The following TNRC6B variants were observed in gnomAD, a reference collection of about 807,000 sequenced individuals.
TNRC6B encodes the protein trinucleotide repeat-containing gene 6B protein.
A neutral mutation model predicts 203.6 loss-of-function variants in TNRC6B; 52 were observed. The observed-to-expected ratio is 0.26, with a 90% confidence interval of 0.20 to 0.32. The LOEUF (loss-of-function observed/expected upper bound fraction) is 0.32. Ranked by LOEUF, TNRC6B falls within the 10% of genes least tolerant of loss-of-function variation. The pLI, the probability that TNRC6B is intolerant of heterozygous loss-of-function variation, is 1.00. For synonymous variants in TNRC6B, 838 were observed against 845.7 expected (o/e 0.99, Z 0.16); for missense variants, 1,923 against 2,286.2 (o/e 0.84, Z 3.24).
At chr22:40,236,352 A>C (rs2069947399) in intron 1 of TNRC6B, among the ~76,000 whole-genome samples, 2 of 152,202 alleles carry the variant, frequency 1.3e-5, no homozygotes. Flanking sequence ...ACAGTATGAC[A>C]CTTTTGGGAG....
chr22:40,207,417 A>AT (rs1569020881), intron 1 of TNRC6B, among the ~76,000 whole-genome samples: 37 of 111,250 alleles, frequency 3.3e-4, no homozygotes, highest in Middle Eastern at 3.8e-3. Context: ...AAAAAAAAAA[A>AT]AATATATATA....
chr22:40,153,043 A>G (rs1249021644), intron 3 of TNRC6B, among the ~76,000 whole-genome samples: 2 of 152,028 alleles, frequency 1.3e-5, no homozygotes, highest in African/African-American at 2.4e-5. Context: ...GGAGGCTGCA[A>G]TGAGCCAAGA....
intron 2 of TNRC6B, among the ~76,000 whole-genome samples, chr22:40,120,903 C>G (rs1224902873): frequency 6.6e-6 from 1 of 152,156 alleles, no homozygotes; most frequent in Non-Finnish European, 1.5e-5. Flanking sequence ...TCGCCTGCCT[C>G]CTAGCCAACG....
chr22:40,120,915 A>C (rs1386540581), intron 2 of TNRC6B, among the ~76,000 whole-genome samples: 2 of 152,150 alleles, frequency 1.3e-5, no homozygotes, highest in Non-Finnish European at 2.9e-5. Flanking sequence ...TAGCCAACGA[A>C]AGGAGCAGAG....
At chr22:40,171,210 G>A (rs1408707314) in intron 4 of TNRC6B, among the ~76,000 whole-genome samples, 1 of 136,394 alleles carries the variant, frequency 7.3e-6, no homozygotes, top group Non-Finnish European at 1.5e-5. Context: ...CACCCAGGCT[G>A]GAGTGCAGTG....
At chr22:40,166,152 A>G (rs2068917424) in intron 4 of TNRC6B, among the ~76,000 whole-genome samples, 1 of 152,114 alleles carries the variant, frequency 6.6e-6, no homozygotes, top group Non-Finnish European at 1.5e-5. Context: ...CTTCTCCCTT[A>G]CATCTCTGGG....
chr22:40,185,802 A>C (rs2069194215), intron 1 of TNRC6B, among the ~76,000 whole-genome samples: 1 of 152,278 alleles, frequency 6.6e-6, no homozygotes, highest in Admixed American at 6.5e-5. Flanking sequence ...GGAAGAATTG[A>C]GAGACAGGCA....
intron 16 of TNRC6B, among the ~76,000 whole-genome samples, chr22:40,310,282 G>A (rs1028909745): frequency 2.0e-5 from 3 of 152,140 alleles, no homozygotes; most frequent in East Asian, 1.9e-4. Flanking sequence ...ATCTCATTGC[G>A]TTGGAATTTA....
At chr22:40,055,168 C>G (rs2146266086) in intron 1 of TNRC6B, among the ~76,000 whole-genome samples, 1 of 152,248 alleles carries the variant, frequency 6.6e-6, no homozygotes, top group South Asian at 2.1e-4. Context: ...GATCTTTGTT[C>G]CCAAGGAATG....
At chr22:40,298,291 T>C (rs979763582) in intron 12 of TNRC6B, among the ~76,000 whole-genome samples, 3 of 152,140 alleles carry the variant, frequency 2.0e-5, no homozygotes, top group African/African-American at 4.8e-5. Context: ...ACCAGAGAAA[T>C]TGACATCTTA....
chr22:40,310,706 G>A (rs2071165292), intron 16 of TNRC6B, 111 bp from the exon 17 acceptor site: 8 of 1,109,588 alleles, frequency 7.2e-6, no homozygotes, highest in Non-Finnish European at 1.0e-5. Flanking sequence ...AGTGCTGTTT[G>A]TATATACTCC....
At chr22:40,178,256 C>A in intron 1 of TNRC6B, 116 bp downstream of exon 1, 1 of 1,221,058 alleles carries the variant, frequency 8.2e-7, no homozygotes, top group Non-Finnish European at 1.2e-6. Flanking sequence ...TGGCTTCAGA[C>A]ATTTCGTGGA....
chr22:40,306,019 G>A (rs937008583), intron 15 of TNRC6B, among the ~76,000 whole-genome samples: 5 of 152,190 alleles, frequency 3.3e-5, no homozygotes, highest in South Asian at 2.1e-4. Context: ...CTGGCTGGGC[G>A]CGGTGGCTCA....
At chr22:40,147,390 A>C (rs960805154) in intron 3 of TNRC6B, among the ~76,000 whole-genome samples, 1 of 152,176 alleles carries the variant, frequency 6.6e-6, no homozygotes, top group Non-Finnish European at 1.5e-5. Flanking sequence ...GTTCCACAGT[A>C]TCTCAGTTTG....
At chr22:40,228,721 T>C (rs1323277009) in intron 1 of TNRC6B, among the ~76,000 whole-genome samples, 1 of 151,678 alleles carries the variant, frequency 6.6e-6, no homozygotes, top group Admixed American at 6.6e-5. Flanking sequence ...GGACGGCGTT[T>C]CACCATGTTA....
intron 4 of TNRC6B, among the ~76,000 whole-genome samples, chr22:40,169,130 CTTTTTTTTTTTTTTT>C (rs135632): frequency 7.3e-5 from 8 of 109,668 alleles, no homozygotes; most frequent in Non-Finnish European, 7.4e-5. Context: ...TTGGAATCTT[CTTTTTTTTTTTTTTT>C]TTTTTGAGAC....
intron 1 of TNRC6B, among the ~76,000 whole-genome samples, chr22:40,209,340 G>A (rs188764336): frequency 6.6e-6 from 1 of 152,030 alleles, no homozygotes; most frequent in African/African-American, 2.4e-5. Flanking sequence ...TTTCTTCCTA[G>A]CCTGTCTGAA....
At chr22:40,307,388 C>A (rs953807052) in intron 15 of TNRC6B, among the ~76,000 whole-genome samples, 9 of 152,210 alleles carry the variant, frequency 5.9e-5, no homozygotes, top group African/African-American at 2.2e-4. Context: ...GGGATGCCTG[C>A]GCTCGTGCTG....
At chr22:40,296,431 A>T (rs2070942843) in intron 12 of TNRC6B, among the ~76,000 whole-genome samples, 1 of 147,316 alleles carries the variant, frequency 6.8e-6, no homozygotes, top group South Asian at 2.1e-4. Context: ...TCCCGGGTTC[A>T]TGCCATTCTC....
Sources: gnomAD v4.1 joint callset for allele counts (sites outside exome capture counted in the v4.1 genomes callset) on GRCh38, gnomAD v4.1.1 for gene constraint, MANE v1.5 for transcripts, NCBI Gene and HGNC (gene_info 2026-07-23, HGNC 2026-07-21) for gene names.